The following LRMDA variants were observed in gnomAD, a reference collection of about 807,000 sequenced individuals.
The protein encoded by LRMDA is leucine rich melanocyte differentiation associated.
Under a neutral mutation model 29.8 loss-of-function variants are expected in LRMDA, and 18 were observed. The observed-to-expected ratio is 0.60, with a 90% CI of 0.42 to 0.90. LRMDA has a LOEUF of 0.90. Ranked by LOEUF, LRMDA falls within the 40% of genes least tolerant of loss-of-function variation. LRMDA has a pLI of 0.00. For synonymous variants in LRMDA, 125 were observed against 109.4 expected (o/e 1.14, Z -0.89); for missense variants, 273 against 273.9 (o/e 1.00, Z 0.02).
intron 2 of LRMDA, among the ~76,000 whole-genome samples, chr10:75,598,271 C>T (rs570618131): frequency 1.3e-5 from 2 of 152,268 alleles, no homozygotes; most frequent in South Asian, 2.1e-4. Context: ...GTCCAACTTT[C>T]GGTAGCATTT....
At chr10:76,356,749 T>A (rs1048894008) in intron 6 of LRMDA, among the ~76,000 whole-genome samples, 2 of 152,176 alleles carry the variant, frequency 1.3e-5, no homozygotes, top group Non-Finnish European at 1.5e-5. Context: ...TGTGCGTGTG[T>A]TTTTTATCAT....
chr10:76,045,427 A>G (rs1848421331), intron 3 of LRMDA, among the ~76,000 whole-genome samples: 1 of 142,944 alleles, frequency 7.0e-6, no homozygotes, highest in Admixed American at 7.0e-5. Flanking sequence ...CTCTCTTGGT[A>G]GTTTCCCCCT....
At chr10:76,227,455 A>T (rs1247433610) in intron 5 of LRMDA, among the ~76,000 whole-genome samples, 1 of 152,182 alleles carries the variant, frequency 6.6e-6, no homozygotes, top group Non-Finnish European at 1.5e-5. Flanking sequence ...CATTGTACCT[A>T]CCAACTGTAA....
chr10:76,548,114 C>T (rs1453585486), intron 6 of LRMDA, among the ~76,000 whole-genome samples: 2 of 152,058 alleles, frequency 1.3e-5, no homozygotes, highest in Non-Finnish European at 2.9e-5. Flanking sequence ...GTCGCCAAGG[C>T]AGTATCTTAT....
At chr10:76,016,621 A>C (rs1847883748) in intron 2 of LRMDA, among the ~76,000 whole-genome samples, 1 of 152,194 alleles carries the variant, frequency 6.6e-6, no homozygotes, top group Admixed American at 6.5e-5. Context: ...CACTGACTTT[A>C]TGCCAGGCGT....
chr10:75,569,883 T>A (rs1191065859), intron 2 of LRMDA, among the ~76,000 whole-genome samples: 3 of 152,222 alleles, frequency 2.0e-5, no homozygotes, highest in Non-Finnish European at 2.9e-5. Context: ...GATGGGATAG[T>A]TCACATATAT....
intron 6 of LRMDA, among the ~76,000 whole-genome samples, chr10:76,545,297 C>T (rs1843407223): frequency 6.6e-6 from 1 of 150,890 alleles, no homozygotes; most frequent in Non-Finnish European, 1.5e-5. Flanking sequence ...TGTGGATGTT[C>T]CCTGCTTTTG....
At position 76,047,266 on chromosome 10, in the gene LRMDA, A is replaced by T; in HGVS notation, c.361A>T (p.Ser121Cys). The change falls in exon 4 of 7, where the codon AGC becomes TGC. Residue 121 changes from serine to cysteine, a missense_variant. Ser to Cys is a moderately radical substitution (Grantham distance 112, BLOSUM62 -1). Coordinates refer to ENST00000611255, the MANE Select transcript of LRMDA (RefSeq NM_001305581.2). ...GNVACPNELV[S>C]LEKDEEDYKR... ...CGTGGCCTGTCCCAACGAGCTGGTC[A>T]GCTTGGAAAAGGATGAGGAAGACTA... 1 of 1,613,976 alleles carries T rather than the reference A, an allele frequency of 6.2e-7. No homozygotes were observed. The highest frequency in any genetic ancestry group is 1.3e-5 in the African/African-American group (1 of 75,034).
intron 6 of LRMDA, among the ~76,000 whole-genome samples, chr10:76,405,123 A>G (rs966161856): frequency 2.6e-5 from 4 of 152,182 alleles, no homozygotes; most frequent in African/African-American, 7.2e-5. Context: ...TGTTGTTTTA[A>G]GCCACTGAGT....
chr10:76,302,547 G>A (rs1266892892), intron 5 of LRMDA, among the ~76,000 whole-genome samples: 1 of 151,910 alleles, frequency 6.6e-6, no homozygotes, highest in Non-Finnish European at 1.5e-5. Context: ...GTGGTGGTGG[G>A]GATTCTGTTT....
intron 6 of LRMDA, among the ~76,000 whole-genome samples, chr10:76,540,939 A>G (rs1341412217): frequency 6.6e-6 from 1 of 152,218 alleles, no homozygotes; most frequent in Non-Finnish European, 1.5e-5. Flanking sequence ...CAATACCTGC[A>G]CAAGTCCCAG....
chr10:76,558,887 A>C lies in LRMDA; in HGVS notation c.*1599A>C, dbSNP rs1281095883. On this transcript the variant is annotated 3_prime_UTR_variant, in exon 7 of 7. Coordinates refer to ENST00000611255, the MANE Select transcript of LRMDA (RefSeq NM_001305581.2). ...CAGTTCTTTAGACAAGTTAACATTA[A>C]AATCCTCAAAACCATGAAAAATTGG... is the stretch of plus-strand genomic sequence containing the variant. 6.6e-6 allele frequency: 1 copy of C among 152,216 alleles called. No homozygotes were observed. Among genetic ancestry groups the C allele is most frequent in the Non-Finnish European group, 1.5e-5 (1 of 68,030 alleles). The allele number at this position is 152,216 out of a possible 1,614,324, so 9.4% of individuals were successfully genotyped here. A position where few individuals can be genotyped will look rare whatever the true frequency, so the allele number is the denominator to read the frequency against.
At chr10:76,173,223 A>G (rs984062367) in intron 5 of LRMDA, among the ~76,000 whole-genome samples, 1 of 152,242 alleles carries the variant, frequency 6.6e-6, no homozygotes, top group Non-Finnish European at 1.5e-5. Flanking sequence ...TTCAGAATGA[A>G]TCAGAAAAAT....
At chr10:76,334,700 G>T (rs1163538378) in intron 6 of LRMDA, among the ~76,000 whole-genome samples, 3 of 152,156 alleles carry the variant, frequency 2.0e-5, no homozygotes, top group Non-Finnish European at 2.9e-5. Context: ...TTTATAAAGG[G>T]TGTGGTATTG....
rs374449881 is a variant in LRMDA at position 75,489,661 on chromosome 10, C to G, written c.131+51167C>G. Among the ~76,000 whole-genome samples the G allele has an allele frequency of 8.0e-4, 122 of 152,228 alleles. No individual in the cohort carries two copies. The South Asian group carries it at 0.024, about 30-fold the overall frequency. On this transcript the variant is annotated intron_variant, in intron 2 of 6. Transcript: ENST00000611255. ...GAAAATAAGTCTTCCAACTTTTACT[C>G]CTTGGTTCCTCTCCCCAAGCCTTGT...
chr10:75,528,755 G>GA (rs1845442706), intron 2 of LRMDA, among the ~76,000 whole-genome samples: 2 of 152,294 alleles, frequency 1.3e-5, no homozygotes, highest in Admixed American at 1.3e-4. Context: ...GAATAAACAA[G>GA]AAAGAAAGGA....
At chr10:75,783,998 T>C (rs1478015496) in intron 2 of LRMDA, among the ~76,000 whole-genome samples, 1 of 152,170 alleles carries the variant, frequency 6.6e-6, no homozygotes. Context: ...AATTGCCGAA[T>C]ACTGAAAATA....
At chr10:76,093,569 TTCCTTCTCCTCC>T (rs370190454) in intron 5 of LRMDA, among the ~76,000 whole-genome samples, 21 of 152,206 alleles carry the variant, frequency 1.4e-4, no homozygotes, top group African/African-American at 3.1e-4. Context: ...CCATTCTCCT[TTCCTTCTCCTCC>T]TCCTTCTCCT....
chr10:75,438,421 G>C lies in LRMDA; in HGVS notation c.58G>C (p.Glu20Gln). 6.4e-7 allele frequency: 1 copy of C among 1,551,098 alleles called. No individual in the cohort carries two copies. The highest frequency in any genetic ancestry group is 8.7e-7 in the Non-Finnish European group (1 of 1,147,092). Residue 20 changes from glutamate to glutamine, a missense_variant, in exon 2 of 7, where the codon GAA (glutamate) becomes CAA (glutamine). By Grantham distance (29) the Glu-to-Gln change is conservative. Coordinates refer to ENST00000611255, the MANE Select transcript of LRMDA (RefSeq NM_001305581.2). ...QVSYIGQDCREIPEHLGRDCG... is the reference protein window; with the variant it reads ...QVSYIGQDCRQIPEHLGRDCG... ...GTCCTACATAGGCCAGGACTGCAGA[G>C]AAATTCCAGAGCACCTTGGCAGGGA...
Sources: gnomAD v4.1 joint callset for allele counts (sites outside exome capture counted in the v4.1 genomes callset) on GRCh38, gnomAD v4.1.1 for gene constraint, MANE v1.5 for transcripts, NCBI Gene and HGNC (gene_info 2026-07-23, HGNC 2026-07-21) for gene names.